Variants in NCOA7 observed in about 807,000 individuals in gnomAD.
The protein encoded by NCOA7 is nuclear receptor coactivator 7.
Under a neutral mutation model 104.3 loss-of-function variants are expected in NCOA7, and 45 were observed. The ratio of observed to expected loss-of-function variants is 0.43; its 90% CI spans 0.34 to 0.55. NCOA7 has a LOEUF of 0.55. Among genes scored for constraint, NCOA7 ranks in the 20% least tolerant of loss-of-function variants. The pLI, the probability that NCOA7 is intolerant of heterozygous loss-of-function variation, is 0.02. For synonymous variants in NCOA7, 398 were observed against 402.3 expected (o/e 0.99, Z 0.13); for missense variants, 1,041 against 1,119.7 (o/e 0.93, Z 1.00).
rs560079728 is a variant in NCOA7, at chr6:125,802,787, C to A, written c.-65+11720C>A. Among the ~76,000 whole-genome samples the A allele has an allele frequency of 3.3e-5, 5 of 152,292 alleles. No homozygotes were observed. The East Asian group carries it at 7.7e-4, about 23-fold the overall frequency. On this transcript the variant is annotated intron_variant, in intron 1 of 15. Transcript: ENST00000392477. ...CAATAAACCTTAAAAAGAAAAAGAA[C>A]GTATACCATAGACTTGATTTCTTAA...
At chr6:125,823,138 A>G (rs1778346741) in intron 2 of NCOA7, among the ~76,000 whole-genome samples, 1 of 152,152 alleles carries the variant, frequency 6.6e-6, no homozygotes, top group Non-Finnish European at 1.5e-5. Flanking sequence ...CATGATTTCC[A>G]TAGCTCTTAT....
chr6:125,862,007 A>C (rs1188094960), intron 3 of NCOA7, among the ~76,000 whole-genome samples: 2 of 117,520 alleles, frequency 1.7e-5, no homozygotes, highest in East Asian at 5.0e-4. Context: ...ATTGCACTCC[A>C]GCCTGGGCAA....
intron 11 of NCOA7, among the ~76,000 whole-genome samples, chr6:125,918,318 G>A (rs534587540): frequency 2.6e-5 from 4 of 152,252 alleles, no homozygotes; most frequent in Non-Finnish European, 4.4e-5. Flanking sequence ...ATAAATGTCC[G>A]CTGTCCTGGA....
At chr6:125,910,458 T>A (rs2128683043) in intron 10 of NCOA7, among the ~76,000 whole-genome samples, 1 of 152,346 alleles carries the variant, frequency 6.6e-6, no homozygotes, top group Admixed American at 6.5e-5. Context: ...TTTTAAGTAT[T>A]GAAAAAACTA....
intron 2 of NCOA7, among the ~76,000 whole-genome samples, chr6:125,842,522 C>T (rs190136911): frequency 2.4e-4 from 36 of 152,126 alleles, no homozygotes; most frequent in African/African-American, 8.0e-4. Flanking sequence ...GAGTAAAAAG[C>T]ATTTCTAAAA....
intron 1 of NCOA7, among the ~76,000 whole-genome samples, chr6:125,813,365 C>T (rs149927959): frequency 2.0e-5 from 3 of 152,272 alleles, no homozygotes; most frequent in African/African-American, 7.2e-5. Flanking sequence ...CTCACTTTAC[C>T]CTGGAACAGA....
chr6:125,855,039 G>C lies in NCOA7; in HGVS notation c.70G>C (p.Ala24Pro), dbSNP rs183394656. Residue 24 changes from alanine to proline, a missense_variant, in exon 3 of 16, where the codon GCC becomes CCC. Ala to Pro is a conservative substitution (Grantham distance 27). Around this residue, in one of 2 missense-constraint regions of NCOA7, gnomAD observed 914 missense variants for 942.7 expected, o/e 0.97. Transcript: ENST00000392477. ...TCCTAGACTGAAAAAGAAAAAACAA[G>C]CCAAACAAAATGCAGAGACAGCCTC... The part of the protein sequence containing the change: ...YFARLKKKKQ[A>P]KQNAETASAV... The C allele has an allele frequency of 2.5e-6, 4 of 1,604,494 alleles. No homozygotes were observed. In the African/African-American group the frequency reaches 5.4e-5, roughly 22 times the overall value.
chr6:125,836,490 T>C (rs141948036), intron 2 of NCOA7, among the ~76,000 whole-genome samples: 17 of 152,340 alleles, frequency 1.1e-4, no homozygotes, highest in Non-Finnish European at 2.2e-4. Context: ...GTCTCAGTAA[T>C]AGTTAAAAAC....
intron 10 of NCOA7, among the ~76,000 whole-genome samples, chr6:125,901,608 TTGC>T (rs904807751): frequency 6.6e-6 from 1 of 152,082 alleles, no homozygotes; most frequent in Non-Finnish European, 1.5e-5. Context: ...CGTCTAGGGG[TTGC>T]CCACGACCAC....
At chr6:125,790,489 G>C (rs1356486990), upstream of NCOA7, among the ~76,000 whole-genome samples, 1 of 152,156 alleles carries the variant, frequency 6.6e-6, no homozygotes, top group Non-Finnish European at 1.5e-5. Context: ...GCAGCTCTCC[G>C]GGGCGGAGCC....
At chr6:125,838,729 C>A (rs1194314055) in intron 2 of NCOA7, among the ~76,000 whole-genome samples, 1 of 152,192 alleles carries the variant, frequency 6.6e-6, no homozygotes, top group African/African-American at 2.4e-5. Context: ...GGTCCCCAGA[C>A]CACCTGTACT....
chr6:125,844,309 G>T (rs748403687), intron 2 of NCOA7, among the ~76,000 whole-genome samples: 1 of 152,192 alleles, frequency 6.6e-6, no homozygotes, highest in Non-Finnish European at 1.5e-5. Flanking sequence ...TTTGAAGCCG[G>T]AGTATTTTCG....
At chr6:125,795,190 A>G (rs1276488901) in intron 1 of NCOA7, among the ~76,000 whole-genome samples, 1 of 152,220 alleles carries the variant, frequency 6.6e-6, no homozygotes, top group East Asian at 1.9e-4. Flanking sequence ...CTCAAGGGTC[A>G]GTCATTGGTA....
At chr6:125,867,186 A>G (rs751198556) in intron 3 of NCOA7, among the ~76,000 whole-genome samples, 1 of 152,228 alleles carries the variant, frequency 6.6e-6, no homozygotes, top group East Asian at 1.9e-4. Context: ...AAAAATTATG[A>G]TATCTGGCCA....
chr6:125,804,672 T>A (rs557201484), intron 1 of NCOA7, among the ~76,000 whole-genome samples: 9 of 152,290 alleles, frequency 5.9e-5, no homozygotes, highest in Middle Eastern at 6.8e-3. Context: ...TTAAAAATAT[T>A]TGGTAGAAAT....
chr6:125,889,858 A>G lies in NCOA7; in HGVS notation c.1804A>G (p.Ile602Val), dbSNP rs762442427. The G allele has an allele frequency of 6.2e-7, 1 of 1,613,716 alleles. No homozygotes were observed. Among genetic ancestry groups the G allele is most frequent in the Non-Finnish European group, 8.5e-7 (1 of 1,179,882 alleles). The part of the protein sequence containing the change: ...KLNSSTEANV[I>V]KEALDSSLES... ...GAACTCTTCTACAGAAGCAAATGTG[A>G]TTAAAGAGGCTCTAGACTCCTCTTT... The change falls in exon 9 of 16, where the codon ATT becomes GTT. Residue 602 changes from isoleucine (I) to valine (V), a missense_variant. Around this residue, in one of 2 missense-constraint regions of NCOA7, gnomAD observed 914 missense variants for 942.7 expected, o/e 0.97. Transcript: ENST00000392477.
chr6:125,908,148 C>T (rs1786199499), intron 10 of NCOA7, among the ~76,000 whole-genome samples: 1 of 152,166 alleles, frequency 6.6e-6, no homozygotes, highest in African/African-American at 2.4e-5. Context: ...GGGATATGCC[C>T]CCTTACCTGG....
chr6:125,881,102 C>A lies in NCOA7; in HGVS notation c.472C>A (p.Pro158Thr). ...CTCCCATTCTCAGGTCCTTTTTGTGCCAGATGCCAACTCTCCTTCCAGTAC... is the reference window on the plus strand; with the variant it reads ...CTCCCATTCTCAGGTCCTTTTTGTGACAGATGCCAACTCTCCTTCCAGTAC... ...TIVPGQVLFV[P>T]DANSPSSTLR... The change falls in exon 6 of 16, where the codon CCA becomes ACA. Residue 158 changes from proline to threonine, a missense_variant. Coordinates refer to ENST00000392477, the MANE Select transcript of NCOA7 (RefSeq NM_181782.5). The A allele has an allele frequency of 6.2e-7, 1 of 1,613,438 alleles. No individual in the cohort carries two copies. Among genetic ancestry groups the A allele is most frequent in the South Asian group, 1.1e-5 (1 of 91,046 alleles).
intron 6 of NCOA7, 76 bp downstream of exon 6, chr6:125,881,279 T>G: frequency 1.9e-6 from 2 of 1,052,680 alleles, no homozygotes; most frequent in Non-Finnish European, 1.5e-6. Flanking sequence ...CATGTTATTT[T>G]TCACAAGATT....
Sources: allele counts gnomAD v4.1 joint callset (sites outside exome capture counted in the v4.1 genomes callset), GRCh38; gene constraint gnomAD v4.1.1; regional missense constraint gnomAD v4.1.1; transcripts MANE v1.5; gene names NCBI Gene and HGNC (gene_info 2026-07-23, HGNC 2026-07-21).